The following ATP6V0D2 variants were observed in gnomAD, a reference collection of about 807,000 sequenced individuals.
ATP6V0D2 encodes ATPase H+ transporting V0 subunit d2.
ATP6V0D2 carries 40 observed loss-of-function variants against 40.0 expected under a neutral mutation model. The observed-to-expected ratio is 1.00, with a 90% CI of 0.78 to 1.30. The LOEUF (loss-of-function observed/expected upper bound fraction) is 1.30, where lower values mean the gene tolerates loss of function less well. Among genes scored for constraint, ATP6V0D2 ranks in the 50% most tolerant of loss-of-function variants. ATP6V0D2 has a pLI of 0.00. For missense variants in ATP6V0D2, 470 were observed against 423.1 expected (o/e 1.11, Z -0.97); for synonymous variants, 179 against 156.3 (o/e 1.15, Z -1.08).
intron 7 of ATP6V0D2, among the ~76,000 whole-genome samples, 157 bp downstream of exon 7, chr8:86,151,697 C>A (rs1230891012): frequency 6.6e-6 from 1 of 151,046 alleles, no homozygotes; most frequent in African/African-American, 2.4e-5. Context: ...TACAAAGTTA[C>A]ACACAGACCT....
chr8:86,103,065 T>G (rs771650799), intron 1 of ATP6V0D2, among the ~76,000 whole-genome samples: 6 of 152,094 alleles, frequency 3.9e-5, no homozygotes, highest in Non-Finnish European at 7.4e-5. Flanking sequence ...CTAAAACATA[T>G]GACAACAGTG....
At chr8:86,118,634 G>A (rs889338795) in intron 2 of ATP6V0D2, among the ~76,000 whole-genome samples, 1 of 152,020 alleles carries the variant, frequency 6.6e-6, no homozygotes, top group East Asian at 1.9e-4. Context: ...TGCAAGCAGT[G>A]GTGCCTCCTG....
intron 5 of ATP6V0D2, among the ~76,000 whole-genome samples, chr8:86,145,308 A>G (rs1325340543): frequency 1.1e-5 from 1 of 94,154 alleles, no homozygotes; most frequent in African/African-American, 4.5e-5. Flanking sequence ...AAAGAAAGAA[A>G]GAAAAGAAAG....
chr8:86,118,085 C>CTTTTTTTTTTTTTTT (rs1222811419), intron 2 of ATP6V0D2, among the ~76,000 whole-genome samples: 1 of 27,606 alleles, frequency 3.6e-5, no homozygotes, highest in Non-Finnish European at 1.1e-4. Context: ...TTCTTTCTTT[C>CTTTTTTTTTTTTTTT]TTTTTTTTTT....
chr8:86,121,525 G>A (rs1055567396), intron 2 of ATP6V0D2, among the ~76,000 whole-genome samples: 29 of 151,734 alleles, frequency 1.9e-4, no homozygotes, highest in African/African-American at 5.6e-4. Flanking sequence ...AGCTGAGATC[G>A]TGCCACTGCA....
At chr8:86,148,644 A>T (rs866455594) in intron 5 of ATP6V0D2, among the ~76,000 whole-genome samples, 3 of 152,136 alleles carry the variant, frequency 2.0e-5, no homozygotes, top group Admixed American at 2.0e-4. Context: ...AAATCTACTG[A>T]GCCATAAAAT....
chr8:86,123,906 T>C (rs1222414906), intron 2 of ATP6V0D2, among the ~76,000 whole-genome samples: 1 of 152,192 alleles, frequency 6.6e-6, no homozygotes, highest in African/African-American at 2.4e-5. Flanking sequence ...TTTCCCCACA[T>C]CTTTAAATGA....
intron 2 of ATP6V0D2, among the ~76,000 whole-genome samples, chr8:86,137,035 T>C (rs960447014): frequency 7.3e-6 from 1 of 136,430 alleles, no homozygotes; most frequent in African/African-American, 2.8e-5. Flanking sequence ...ATCGAAAGCG[T>C]CCTTGGCCCC....
At chr8:86,115,411 C>T (rs1182081308) in intron 2 of ATP6V0D2, among the ~76,000 whole-genome samples, 2 of 117,470 alleles carry the variant, frequency 1.7e-5, no homozygotes, top group African/African-American at 6.8e-5. Flanking sequence ...TTCTGTCGCT[C>T]AGGCTGGAGT....
rs779614864 is a variant in ATP6V0D2 at position 86,142,868 on chromosome 8, C to T, written c.562-9C>T. 4 of 1,557,776 alleles carry T rather than the reference C, an allele frequency of 2.6e-6. No homozygotes were observed. The highest frequency in any genetic ancestry group is 3.5e-5 in the Admixed American group (2 of 57,494). On this transcript the variant is annotated splice_polypyrimidine_tract_variant and intron_variant, in intron 4 of 7. Coordinates refer to ENST00000285393, the MANE Select transcript of ATP6V0D2 (RefSeq NM_152565.1). ...ATTATATCACTTTATGATCTTTTTT[C>T]TTTTTAAGTCTTACCTTGAGGCATT...
Position 86,144,471 on chromosome 8 carries a change from G to A in ATP6V0D2, c.639+1517G>A, listed in dbSNP as rs1248006875. Among the ~76,000 whole-genome samples the A allele has an allele frequency of 1.3e-4, 5 of 39,778 alleles. No homozygotes were observed. The East Asian group carries it at 3.4e-3, about 27-fold the overall frequency. The allele number at this position is 39,778 out of a possible 152,430, so 26.1% of individuals were successfully genotyped here. On this transcript the variant is annotated intron_variant, in intron 5 of 7. Coordinates refer to ENST00000285393, the MANE Select transcript of ATP6V0D2 (RefSeq NM_152565.1). ...AAGCCTAATAAGCATTACCCTTCAG[G>A]TAAAAAGAAAAAAATTAACTTCATT...
intron 3 of ATP6V0D2, among the ~76,000 whole-genome samples, chr8:86,140,124 G>A (rs1177606488): frequency 6.6e-6 from 1 of 152,092 alleles, no homozygotes; most frequent in African/African-American, 2.4e-5. Flanking sequence ...AGATGCTCAA[G>A]AGTATCTGTC....
Position 86,143,034 on chromosome 8 carries a change from C to A in ATP6V0D2, c.639+80C>A, listed in dbSNP as rs1443229586. 4 of 980,530 alleles carry A rather than the reference C, an allele frequency of 4.1e-6. No individual in the cohort carries two copies. In the South Asian group the frequency reaches 7.0e-5, roughly 17 times the overall value. The allele number at this position is 980,530 out of a possible 1,614,324, so 60.7% of individuals were successfully genotyped here. ...ATTGTTTTAACCTTACTTATATTTC[C>A]TTATCTTTGAATTTTTTTTTAATCT... On this transcript the variant is annotated intron_variant, in intron 5 of 7. Coordinates refer to ENST00000285393, the MANE Select transcript of ATP6V0D2 (RefSeq NM_152565.1).
chr8:86,099,657 C>T (rs1224380654), intron 1 of ATP6V0D2, among the ~76,000 whole-genome samples: 1 of 152,128 alleles, frequency 6.6e-6, no homozygotes, highest in African/African-American at 2.4e-5. Context: ...CCTGGCCCGA[C>T]TAATTTTTGT....
At chr8:86,145,130 T>C (rs1471764690) in intron 5 of ATP6V0D2, among the ~76,000 whole-genome samples, 1 of 148,970 alleles carries the variant, frequency 6.7e-6, no homozygotes, top group Non-Finnish European at 1.5e-5. Context: ...ATCGTGCCAC[T>C]GCTCTCCAGC....
chr8:86,130,477 T>A lies in ATP6V0D2; in HGVS notation c.303-8980T>A, dbSNP rs542576999. Among the ~76,000 whole-genome samples the A allele has an allele frequency of 5.9e-4, 90 of 152,292 alleles. No individual in the cohort carries two copies. The South Asian group carries it at 0.012, about 21-fold the overall frequency. On this transcript the variant is annotated intron_variant, in intron 2 of 7. Transcript: ENST00000285393. ...TCTAAAAATTAAATTATGTTAAAAA[T>A]AATTTTACAAAACAGAGTTTTTCTA...
chr8:86,139,830 C>T, intron 3 of ATP6V0D2, among the ~76,000 whole-genome samples, 195 bp downstream of exon 3: 1 of 152,166 alleles, frequency 6.6e-6, no homozygotes, highest in Non-Finnish European at 1.5e-5. Flanking sequence ...AGTTCAGCTC[C>T]CTCATTTTTC....
chr8:86,148,397 T>A (rs1819099681), intron 5 of ATP6V0D2, among the ~76,000 whole-genome samples: 2 of 152,132 alleles, frequency 1.3e-5, no homozygotes, highest in African/African-American at 4.8e-5. Context: ...TAACTCTCAC[T>A]CTCCTGATAG....
Position 86,141,507 on chromosome 8 carries a change from T to C in ATP6V0D2, c.539T>C (p.Leu180Ser), listed in dbSNP as rs1554589523. The change falls in exon 4 of 8, where the codon TTG becomes TCG. Residue 180 changes from leucine (L) to serine (S), a missense_variant. By Grantham distance (145) the Leu-to-Ser change is moderately radical (BLOSUM62 -2). Transcript: ENST00000285393. ...ENALDELNIE[L>S]LRNKLYKSYL... Reference sequence around the variant, plus strand: ...GCTCTAGATGAACTGAATATTGAATTGCTACGCAATAAACTATACAAGGTA... The same window carrying C: ...GCTCTAGATGAACTGAATATTGAATCGCTACGCAATAAACTATACAAGGTA... 1.2e-6 allele frequency: 2 copies of C among 1,608,024 alleles called. No individual in the cohort carries two copies. Among genetic ancestry groups the C allele is most frequent in the South Asian group, 2.2e-5 (2 of 90,780 alleles).
Sources: gnomAD v4.1 joint callset for allele counts (sites outside exome capture counted in the v4.1 genomes callset) on GRCh38, gnomAD v4.1.1 for gene constraint, MANE v1.5 for transcripts, NCBI Gene and HGNC (gene_info 2026-07-23, HGNC 2026-07-21) for gene names.